SGCZ: variants seen among roughly 807,000 people sequenced by gnomAD.
SGCZ encodes the protein sarcoglycan zeta.
Under a neutral mutation model 41.3 loss-of-function variants are expected in SGCZ, and 40 were observed. The ratio of observed to expected loss-of-function variants is 0.97; its 90% CI spans 0.75 to 1.26. The LOEUF is 1.26. Ranked by LOEUF, SGCZ falls within the 50% of genes most tolerant of loss-of-function variation. SGCZ has a pLI of 0.00. For missense variants in SGCZ, 552 were observed against 369.8 expected, an observed-to-expected ratio of 1.49 and a Z score of -4.04; for synonymous variants, 206 against 137.5, an observed-to-expected ratio of 1.50 and a Z score of -3.49.
chr8:14,656,832 A>G (rs1807594095), intron 1 of SGCZ, among the ~76,000 whole-genome samples: 1 of 152,002 alleles, frequency 6.6e-6, no homozygotes, highest in Non-Finnish European at 1.5e-5. Flanking sequence ...TACCAAAATC[A>G]GCAAAGAAAT....
At chr8:14,689,900 C>G (rs1484786243) in intron 1 of SGCZ, among the ~76,000 whole-genome samples, 1 of 152,140 alleles carries the variant, frequency 6.6e-6, no homozygotes, top group African/African-American at 2.4e-5. Flanking sequence ...TTGTTTATGA[C>G]AATGTCACTT....
At chr8:14,519,941 G>C (rs955671493) in intron 2 of SGCZ, among the ~76,000 whole-genome samples, 1 of 151,948 alleles carries the variant, frequency 6.6e-6, no homozygotes, top group Non-Finnish European at 1.5e-5. Context: ...ATAAACCATG[G>C]TTTAAATTAT....
intron 5 of SGCZ, among the ~76,000 whole-genome samples, chr8:14,135,491 A>G (rs1803168265): frequency 6.6e-6 from 1 of 152,222 alleles, no homozygotes; most frequent in Non-Finnish European, 1.5e-5. Context: ...GTGAATGACT[A>G]TCTTGAGTAG....
chr8:14,178,098 C>T (rs1042834629), intron 4 of SGCZ, among the ~76,000 whole-genome samples: 2 of 151,608 alleles, frequency 1.3e-5, no homozygotes, highest in Non-Finnish European at 2.9e-5. Context: ...ACTGAGATTA[C>T]AGGCATGAGC....
rs140703429 is a variant in SGCZ, at chr8:14,360,545, C to T, written c.235-36341G>A. The stretch of plus-strand genomic sequence containing the variant: ...TTTACCATGTTGGCCAGGCTGGTCT[C>T]GAACTCCTGACTTCAGGTGATCTGC... On this transcript the variant is annotated intron_variant, in intron 2 of 7. Transcript: ENST00000382080. Among the ~76,000 whole-genome samples, 296 of 152,126 alleles carry T rather than the reference C, an allele frequency of 1.9e-3. 1 individual carries two copies. The highest frequency in any genetic ancestry group is 6.8e-3 in the African/African-American group (281 of 41,510).
At chr8:14,385,020 T>C (rs1468584390) in intron 2 of SGCZ, among the ~76,000 whole-genome samples, 1 of 152,196 alleles carries the variant, frequency 6.6e-6, no homozygotes, top group Non-Finnish European at 1.5e-5. Flanking sequence ...AGAACTAATA[T>C]ATCCCATAGT....
chr8:14,673,234 G>A (rs1808161272), intron 1 of SGCZ, among the ~76,000 whole-genome samples: 1 of 152,138 alleles, frequency 6.6e-6, no homozygotes, highest in Non-Finnish European at 1.5e-5. Flanking sequence ...GATATGGTTT[G>A]GCTCTGTATC....
chr8:14,513,197 C>G (rs1802515623), intron 2 of SGCZ, among the ~76,000 whole-genome samples: 1 of 151,840 alleles, frequency 6.6e-6, no homozygotes, highest in Non-Finnish European at 1.5e-5. Flanking sequence ...CATGTTCCAC[C>G]ACTCCCAGCT....
chr8:14,951,953 C>G (rs921810596), intron 1 of SGCZ, among the ~76,000 whole-genome samples: 1 of 152,026 alleles, frequency 6.6e-6, no homozygotes, highest in Non-Finnish European at 1.5e-5. Context: ...GATTGATGTG[C>G]CTATCATAAT....
At chr8:14,643,980 T>C (rs1411186482) in intron 1 of SGCZ, among the ~76,000 whole-genome samples, 1 of 123,956 alleles carries the variant, frequency 8.1e-6, no homozygotes, top group African/African-American at 2.8e-5. Context: ...TACAATTCTG[T>C]ACAATTCTTA....
chr8:14,422,651 T>C (rs1161713265), intron 2 of SGCZ, among the ~76,000 whole-genome samples: 1 of 152,214 alleles, frequency 6.6e-6, no homozygotes, highest in African/African-American at 2.4e-5. Flanking sequence ...CTTACTGGAT[T>C]TGCTGAACAA....
intron 1 of SGCZ, among the ~76,000 whole-genome samples, chr8:14,845,910 G>T (rs1003475835): frequency 6.6e-6 from 1 of 152,122 alleles, no homozygotes; most frequent in Non-Finnish European, 1.5e-5. Flanking sequence ...AATATCAGAC[G>T]AAGTGGTCCT....
chr8:14,758,461 A>G (rs973810491), intron 1 of SGCZ, among the ~76,000 whole-genome samples: 1 of 152,182 alleles, frequency 6.6e-6, no homozygotes, highest in Non-Finnish European at 1.5e-5. Flanking sequence ...TAAGACAATT[A>G]CTGTTAGAAG....
At chr8:14,511,343 C>G (rs1802463514) in intron 2 of SGCZ, among the ~76,000 whole-genome samples, 2 of 151,830 alleles carry the variant, frequency 1.3e-5, no homozygotes, top group African/African-American at 2.4e-5. Flanking sequence ...GGAGATTTTA[C>G]TTTTAATTAT....
Position 14,178,042 on chromosome 8 carries a change from C to G in SGCZ, c.425-13340G>C, listed in dbSNP as rs1441105322. ...GCATGATCCCGGCTCACTGCGACCT[C>G]TGCCTCCTGGGTTCAAGGGACTCTC... On this transcript the variant is annotated intron_variant, in intron 4 of 7. Coordinates refer to ENST00000382080, the MANE Select transcript of SGCZ (RefSeq NM_139167.4). 2.1e-5 allele frequency among the ~76,000 whole-genome samples: 3 copies of G among 144,902 alleles called. No homozygotes were observed. The East Asian group carries it at 6.2e-4, about 30-fold the overall frequency.
At chr8:14,169,798 G>A (rs940976932) in intron 4 of SGCZ, among the ~76,000 whole-genome samples, 7 of 152,176 alleles carry the variant, frequency 4.6e-5, no homozygotes, top group East Asian at 3.9e-4. Context: ...TATAGGTACC[G>A]AGCATGATAT....
In SGCZ at chr8:14,576,631, C is replaced by G. The variant is rs140792937; in HGVS notation, c.40-21705G>C. 1.2e-3 allele frequency among the ~76,000 whole-genome samples: 181 copies of G among 152,266 alleles called. 1 individual carries two copies. The highest frequency in any genetic ancestry group is 3.4e-3 in the Middle Eastern group (1 of 294). ...AAACAGGGACCTGGAGACATTTGCT[C>G]AAAGCCATAGGCATTCTTTCATGCA... On this transcript the variant is annotated intron_variant, in intron 1 of 7. Transcript: ENST00000382080.
intron 1 of SGCZ, among the ~76,000 whole-genome samples, chr8:15,196,151 C>A (rs893015472): frequency 6.6e-6 from 1 of 151,808 alleles, no homozygotes; most frequent in African/African-American, 2.4e-5. Context: ...CCCGCCTCGG[C>A]CTCCCAAAGT....
At chr8:15,192,817 T>G (rs1354770168) in intron 1 of SGCZ, among the ~76,000 whole-genome samples, 3 of 152,136 alleles carry the variant, frequency 2.0e-5, no homozygotes, top group Non-Finnish European at 4.4e-5. Context: ...TGCATTCTTG[T>G]GGTTTCTCAC....
Sources: gnomAD v4.1 joint callset for allele counts (sites outside exome capture counted in the v4.1 genomes callset) on GRCh38, gnomAD v4.1.1 for gene constraint, MANE v1.5 for transcripts, NCBI Gene and HGNC (gene_info 2026-07-23, HGNC 2026-07-21) for gene names.